TLK1: variants seen among roughly 807,000 people sequenced by gnomAD.
The protein encoded by TLK1 is tousled like kinase 1, also known as serine/threonine-protein kinase tousled-like 1.
In TLK1, 24 loss-of-function variants were observed where a neutral mutation model predicts 105.3. That is an observed-to-expected ratio of 0.23 (90% CI 0.17 to 0.32). The LOEUF is 0.32. Ranked by LOEUF, TLK1 falls within the 10% of genes least tolerant of loss-of-function variation. TLK1 has a pLI of 1.00. For missense variants in TLK1, 558 were observed against 910.5 expected (o/e 0.61, Z 4.98); for synonymous variants, 321 against 310.4 (o/e 1.03, Z -0.36).
At chr2:171,146,608 AG>A (rs1691801401) in intron 1 of TLK1, among the ~76,000 whole-genome samples, 1 of 152,248 alleles carries the variant, frequency 6.6e-6, no homozygotes, top group South Asian at 2.1e-4. Context: ...ACAGACGTCA[AG>A]AAAAATTGGC....
chr2:171,146,263 G>A (rs1691786880), intron 1 of TLK1, among the ~76,000 whole-genome samples: 2 of 152,064 alleles, frequency 1.3e-5, no homozygotes, highest in South Asian at 2.1e-4. Flanking sequence ...GTTCCAGGCT[G>A]CAGTGAGCTA....
chr2:171,032,377 C>A (rs1686088326), intron 11 of TLK1, among the ~76,000 whole-genome samples: 1 of 152,138 alleles, frequency 6.6e-6, no homozygotes, highest in South Asian at 2.1e-4. Context: ...ATCACTAGAA[C>A]AATAAATAAA....
intron 1 of TLK1, among the ~76,000 whole-genome samples, chr2:171,149,461 T>C (rs1484619333): frequency 6.6e-6 from 1 of 152,212 alleles, no homozygotes; most frequent in East Asian, 1.9e-4. Context: ...ACTTGTTATG[T>C]AATAATGTAC....
intron 1 of TLK1, among the ~76,000 whole-genome samples, chr2:171,136,113 G>A (rs180689773): frequency 2.0e-5 from 3 of 152,288 alleles, no homozygotes; most frequent in African/African-American, 4.8e-5. Flanking sequence ...TGGTACACAC[G>A]TACTATGGAA....
At chr2:171,092,323 T>A (rs1689271617) in intron 2 of TLK1, among the ~76,000 whole-genome samples, 1 of 152,214 alleles carries the variant, frequency 6.6e-6, no homozygotes, top group South Asian at 2.1e-4. Context: ...GACTTGTCCA[T>A]CAATGACATT....
At chr2:171,197,152 G>A (rs1693290586) in intron 1 of TLK1, among the ~76,000 whole-genome samples, 1 of 152,092 alleles carries the variant, frequency 6.6e-6, no homozygotes, top group Admixed American at 6.5e-5. Context: ...TATGTTTTGT[G>A]TTATGGTCTA....
At chr2:171,208,204 G>A (rs1693543718) in intron 1 of TLK1, among the ~76,000 whole-genome samples, 1 of 152,086 alleles carries the variant, frequency 6.6e-6, no homozygotes, top group Non-Finnish European at 1.5e-5. Context: ...GCAACCTTAG[G>A]AAGGTATAAG....
At chr2:171,195,606 T>A (rs1006483055) in intron 1 of TLK1, among the ~76,000 whole-genome samples, 1 of 152,194 alleles carries the variant, frequency 6.6e-6, no homozygotes, top group Non-Finnish European at 1.5e-5. Context: ...TGTCTTTTGT[T>A]CCTGAAATTA....
chr2:171,101,796 G>T (rs963624811), intron 2 of TLK1, among the ~76,000 whole-genome samples: 3 of 151,894 alleles, frequency 2.0e-5, no homozygotes, highest in Non-Finnish European at 2.9e-5. Flanking sequence ...CAAAAGAATA[G>T]GTTTTTTTAA....
intron 2 of TLK1, among the ~76,000 whole-genome samples, chr2:171,108,555 T>C (rs1690032209): frequency 6.6e-6 from 1 of 152,002 alleles, no homozygotes; most frequent in East Asian, 1.9e-4. Flanking sequence ...GAGAGTCGAA[T>C]GCTCCTATTG....
chr2:171,101,021 C>T (rs974229773), intron 2 of TLK1, among the ~76,000 whole-genome samples: 2 of 152,142 alleles, frequency 1.3e-5, no homozygotes, highest in African/African-American at 4.8e-5. Context: ...ACTATAACAT[C>T]TGTGAACATG....
At chr2:171,228,794 T>C (rs1693942665) in intron 1 of TLK1, among the ~76,000 whole-genome samples, 1 of 152,156 alleles carries the variant, frequency 6.6e-6, no homozygotes, top group Admixed American at 6.6e-5. Context: ...GAAGGTAGCA[T>C]TTTGTACTCT....
rs896030443 is a variant in TLK1, at chr2:171,191,411, T to TA, written c.-6+39733dup. The stretch of plus-strand genomic sequence containing the variant: ...TGGTGAGACCCACCACCCCCCCCTC[T>TA]AAAAAAATGAAAATAAAGTTAGCCG... On this transcript the variant is annotated intron_variant, in intron 1 of 20. Coordinates refer to the TLK1 transcript ENST00000521943. Among the ~76,000 whole-genome samples the TA allele has an allele frequency of 2.7e-5, 4 of 148,936 alleles. No individual in the cohort carries two copies. The South Asian group carries it at 8.4e-4, about 31-fold the overall frequency.
intron 1 of TLK1, among the ~76,000 whole-genome samples, chr2:171,189,464 A>G (rs753587408): frequency 8.5e-5 from 13 of 152,154 alleles, no homozygotes; most frequent in Non-Finnish European, 1.6e-4. Context: ...TAATATTTCA[A>G]ATATTTCCTG....
At chr2:171,061,891 ACT>A (rs1373645273) in intron 3 of TLK1, among the ~76,000 whole-genome samples, 1 of 152,134 alleles carries the variant, frequency 6.6e-6, no homozygotes, top group African/African-American at 2.4e-5. Context: ...ACACAGCCAC[ACT>A]CTTTCATTTA....
At chr2:171,053,974 G>A in intron 7 of TLK1, 121 bp from the exon 8 acceptor site, 1 of 720,802 alleles carries the variant, frequency 1.4e-6, no homozygotes, top group Non-Finnish European at 2.1e-6. Context: ...TATATGTAAA[G>A]TGAATCTCAA....
At chr2:171,027,807 C>T (rs1685847782) in intron 12 of TLK1, among the ~76,000 whole-genome samples, 1 of 152,108 alleles carries the variant, frequency 6.6e-6, no homozygotes, top group Non-Finnish European at 1.5e-5. Context: ...GGTGTGTCAC[C>T]ATCTCAAGAT....
intron 1 of TLK1, among the ~76,000 whole-genome samples, chr2:171,196,164 T>C (rs1693271697): frequency 6.7e-6 from 1 of 150,066 alleles, no homozygotes; most frequent in African/African-American, 2.4e-5. Context: ...CCTACCAGGC[T>C]GGAGTGCAGT....
At chr2:171,189,218 G>C (rs935496137) in intron 1 of TLK1, among the ~76,000 whole-genome samples, 1 of 146,934 alleles carries the variant, frequency 6.8e-6, no homozygotes, top group Non-Finnish European at 1.5e-5. Context: ...CCAGACTAGA[G>C]TGCAATGGCA....
Sources: gnomAD v4.1 joint callset for allele counts (sites outside exome capture counted in the v4.1 genomes callset) on GRCh38, gnomAD v4.1.1 for gene constraint, MANE v1.5 for transcripts, NCBI Gene and HGNC (gene_info 2026-07-23, HGNC 2026-07-21) for gene names.